The following CACNA2D3 variants were observed in gnomAD, a reference collection of about 807,000 sequenced individuals.
The protein encoded by CACNA2D3 is voltage-dependent calcium channel subunit alpha-2/delta-3.
A neutral mutation model predicts 160.6 loss-of-function variants in CACNA2D3; 60 were observed. The observed-to-expected ratio is 0.37, with a 90% confidence interval of 0.30 to 0.46. The LOEUF (loss-of-function observed/expected upper bound fraction) is 0.46, where lower values mean the gene tolerates loss of function less well. Ranked by LOEUF, CACNA2D3 falls within the 20% of genes least tolerant of loss-of-function variation. The pLI is 1.00. For missense variants in CACNA2D3, 1,205 were observed against 1,365.0 expected, an observed-to-expected ratio of 0.88 and a Z score of 1.85; for synonymous variants, 558 against 492.9, an observed-to-expected ratio of 1.13 and a Z score of -1.75.
At chr3:54,319,157 G>GACACACACACACACACACACAC (rs58790730) in intron 2 of CACNA2D3, among the ~76,000 whole-genome samples, 15 of 138,966 alleles carry the variant, frequency 1.1e-4, no homozygotes, top group African/African-American at 3.6e-4. Context: ...AGCATTTTGT[G>GACACACACACACACACACACAC]ACACACACAC....
intron 11 of CACNA2D3, among the ~76,000 whole-genome samples, chr3:54,709,392 C>T (rs1418477107): frequency 4.0e-5 from 6 of 151,418 alleles, no homozygotes; most frequent in Admixed American, 3.3e-4. Flanking sequence ...GAGAGGGTCT[C>T]CCTCTGTTGC....
rs771674097 is a variant in CACNA2D3 at position 54,627,856 on chromosome 3, G to A, written c.1033G>A (p.Ala345Thr). The change falls in exon 10 of 38, where the codon GCC (alanine) becomes ACC (threonine). Residue 345 changes from alanine (A) to threonine (T), a missense_variant. Physicochemically the swap from Ala to Thr is moderately conservative, Grantham distance 58. Transcript: ENST00000474759. The part of the protein sequence containing the change: ...IGMLDIALNE[A>T]FNILSDFNHT... ...AATGTTGGATATAGCTCTGAATGAG[G>A]CCTTCAACATTCTGAGTGATGTAAG... 1.2e-6 allele frequency: 2 copies of A among 1,604,862 alleles called. No homozygotes were observed. Among genetic ancestry groups the A allele is most frequent in the African/African-American group, 1.3e-5 (1 of 74,926 alleles).
At chr3:55,070,821 T>C (rs941313747) in intron 35 of CACNA2D3, among the ~76,000 whole-genome samples, 17 of 152,238 alleles carry the variant, frequency 1.1e-4, no homozygotes, top group Admixed American at 1.3e-4. Flanking sequence ...TTTCACTGTT[T>C]ATATCTTTTT....
At chr3:54,833,448 A>G (rs1703922178) in intron 14 of CACNA2D3, among the ~76,000 whole-genome samples, 1 of 152,128 alleles carries the variant, frequency 6.6e-6, no homozygotes, top group African/African-American at 2.4e-5. Flanking sequence ...AGCCACATGT[A>G]TGAATCATAA....
intron 13 of CACNA2D3, among the ~76,000 whole-genome samples, chr3:54,812,751 C>G (rs1435538900): frequency 1.3e-5 from 2 of 152,132 alleles, no homozygotes; most frequent in African/African-American, 4.8e-5. Flanking sequence ...AGACGTGGGT[C>G]CACACAGAGC....
At chr3:54,935,591 C>A (rs1015266533) in intron 27 of CACNA2D3, among the ~76,000 whole-genome samples, 3 of 152,166 alleles carry the variant, frequency 2.0e-5, no homozygotes, top group Admixed American at 2.0e-4. Flanking sequence ...AAATTGGAAT[C>A]AAATTCATGT....
intron 12 of CACNA2D3, among the ~76,000 whole-genome samples, chr3:54,760,241 TGATC>T (rs1702057497): frequency 6.8e-3 from 1 of 148 alleles, no homozygotes; most frequent in Non-Finnish European, 0.014. Flanking sequence ...AGGGCCTCTC[TGATC>T]TGAGCTGAGC....
At chr3:54,595,225 T>C (rs890128529) in intron 9 of CACNA2D3, among the ~76,000 whole-genome samples, 1 of 152,200 alleles carries the variant, frequency 6.6e-6, no homozygotes, top group Admixed American at 6.5e-5. Context: ...CATTTATTTC[T>C]ATCCATCTGG....
chr3:54,932,190 A>G lies in CACNA2D3; in HGVS notation c.2449+32322A>G, dbSNP rs2106958710. ...TGAGACCCTGTCTCAAAAAATAATA[A>G]TAATAAATGAAAAAGAATAATTAGA... On this transcript the variant is annotated intron_variant, in intron 27 of 37. Transcript: ENST00000474759. Among the ~76,000 whole-genome samples, 2 of 152,286 alleles carry G rather than the reference A, an allele frequency of 1.3e-5. 1 individual carries two copies. Among genetic ancestry groups the G allele is most frequent in the South Asian group, 4.1e-4 (2 of 4,830 alleles).
intron 27 of CACNA2D3, among the ~76,000 whole-genome samples, chr3:54,901,478 C>G (rs972772110): frequency 6.6e-6 from 1 of 152,156 alleles, no homozygotes; most frequent in Non-Finnish European, 1.5e-5. Flanking sequence ...TGTATCCAGT[C>G]TAGAGAAGAA....
intron 12 of CACNA2D3, among the ~76,000 whole-genome samples, chr3:54,759,779 C>T (rs1321984230): frequency 1.3e-5 from 2 of 152,192 alleles, no homozygotes; most frequent in Non-Finnish European, 2.9e-5. Context: ...AGTTACCCTC[C>T]TGGGGGAGGA....
intron 27 of CACNA2D3, among the ~76,000 whole-genome samples, chr3:54,900,490 G>A (rs1700302346): frequency 6.6e-6 from 1 of 152,116 alleles, no homozygotes. Flanking sequence ...TTTCATTGGT[G>A]GCATTTGGCC....
At chr3:54,743,496 C>G (rs1393278648) in intron 11 of CACNA2D3, among the ~76,000 whole-genome samples, 1 of 152,096 alleles carries the variant, frequency 6.6e-6, no homozygotes. Flanking sequence ...AGAATGTATT[C>G]CAAGTACAAT....
At position 54,229,940 on chromosome 3, in the gene CACNA2D3, T is replaced by C. The variant is rs1701739701; in HGVS notation, c.205-90502T>C. Among the ~76,000 whole-genome samples, 3 of 152,234 alleles carry C rather than the reference T, an allele frequency of 2.0e-5. No homozygotes were observed. In the South Asian group the frequency reaches 6.2e-4, roughly 32 times the overall value. ...CATCTTGTTGTAACTTCTTGTCATC[T>C]GTGTTTTTTGCCACTGCAACATACG... is the stretch of plus-strand genomic sequence containing the variant. On this transcript the variant is annotated intron_variant, in intron 2 of 37. Coordinates refer to ENST00000474759, the MANE Select transcript of CACNA2D3 (RefSeq NM_018398.3).
chr3:54,982,031 C>T (rs147020568), intron 29 of CACNA2D3, among the ~76,000 whole-genome samples: 2 of 152,240 alleles, frequency 1.3e-5, no homozygotes, highest in Admixed American at 6.5e-5. Context: ...GGCCACTTGT[C>T]GGTAGTGAAG....
chr3:54,576,914 G>A (rs1702593726), intron 8 of CACNA2D3, among the ~76,000 whole-genome samples: 1 of 152,116 alleles, frequency 6.6e-6, no homozygotes, highest in Admixed American at 6.5e-5. Context: ...GCATGTGCCT[G>A]TGGTCCGAAC....
chr3:54,929,771 C>T (rs6774525), intron 27 of CACNA2D3, among the ~76,000 whole-genome samples: 119,496 of 152,124 alleles, frequency 0.79, 47,925 homozygotes, highest in African/African-American at 0.94. Flanking sequence ...CCTTCCTATC[C>T]ATCTGTTTCA....
intron 8 of CACNA2D3, among the ~76,000 whole-genome samples, chr3:54,581,040 G>T (rs1337993660): frequency 6.6e-6 from 1 of 152,168 alleles, no homozygotes; most frequent in African/African-American, 2.4e-5. Flanking sequence ...GCCTCACAAA[G>T]TCCCGGGAAC....
chr3:54,897,160 TA>T (rs1391984275), intron 26 of CACNA2D3, among the ~76,000 whole-genome samples: 1 of 152,244 alleles, frequency 6.6e-6, no homozygotes, highest in African/African-American at 2.4e-5. Context: ...TCAGTTTTTT[TA>T]AATGTAGTCA....
Sources: allele counts gnomAD v4.1 joint callset (sites outside exome capture counted in the v4.1 genomes callset), GRCh38; gene constraint gnomAD v4.1.1; transcripts MANE v1.5; gene names NCBI Gene and HGNC (gene_info 2026-07-23, HGNC 2026-07-21).